The following ZFC3H1 variants were observed in gnomAD, a reference collection of about 807,000 sequenced individuals.
ZFC3H1 encodes the protein zinc finger C3H1 domain-containing protein.
ZFC3H1 carries 71 observed loss-of-function variants against 243.7 expected under a neutral mutation model. The observed-to-expected ratio is 0.29, with a 90% confidence interval of 0.24 to 0.36. The LOEUF (loss-of-function observed/expected upper bound fraction) is 0.36. Among genes scored for constraint, ZFC3H1 ranks in the 10% least tolerant of loss-of-function variants. The probability of loss-of-function intolerance (pLI) is 1.00; values close to 1 mark genes in which losing one functional copy is unlikely to be tolerated. For synonymous variants in ZFC3H1, 838 were observed against 813.0 expected (o/e 1.03, Z -0.52); for missense variants, 1,966 against 2,317.1 (o/e 0.85, Z 3.11).
Position 71,632,312 on chromosome 12 carries a change from A to T in ZFC3H1, c.3020T>A (p.Phe1007Tyr), listed in dbSNP as rs779675419. 52 of 1,613,748 alleles carry T rather than the reference A, an allele frequency of 3.2e-5. No homozygotes were observed. Among genetic ancestry groups the T allele is most frequent in the Non-Finnish European group, 3.4e-6 (4 of 1,179,884 alleles). Reference sequence around the variant, plus strand: ...ATGAAGTGAGGGTTGAGGTAAAGAAAATTCGGGTTCCTCTTCCACAACTGG... The same window carrying T: ...ATGAAGTGAGGGTTGAGGTAAAGAATATTCGGGTTCCTCTTCCACAACTGG... ...ISPVVEEEPEFSLPQPSLHDL... is the reference protein window; with the variant it reads ...ISPVVEEEPEYSLPQPSLHDL... Residue 1007 changes from phenylalanine (F) to tyrosine (Y), a missense_variant, in exon 15 of 35, where the codon TTT becomes TAT. Physicochemically the swap from Phe to Tyr is conservative, Grantham distance 22. Transcript: ENST00000378743.
intron 5 of ZFC3H1, 120 bp from the exon 6 acceptor site, chr12:71,642,679 G>A (rs1265634727): frequency 3.5e-6 from 4 of 1,153,700 alleles, no homozygotes; most frequent in Middle Eastern, 2.0e-4. Flanking sequence ...TCAGTTAGAT[G>A]TGCCTATCAC....
In ZFC3H1 at chr12:71,663,420, C is replaced by T. The variant is rs995593344; in HGVS notation, c.191G>A (p.Gly64Asp). 12 of 1,611,796 alleles carry T rather than the reference C, an allele frequency of 7.4e-6. No individual in the cohort carries two copies. The highest frequency in any genetic ancestry group is 1.0e-5 in the Non-Finnish European group (12 of 1,180,028). ...AGAGCCACCGCCTCCGCCAGATCCA[C>T]CGCCCCGGGCCGAGTGAGGAGGCCT... ...RRRPPHSARG[G>D]GSGGGGGSSS... The change falls in exon 1 of 35, where the codon GGT becomes GAT. Residue 64 changes from glycine to aspartate, a missense_variant. Transcript: ENST00000378743.
At chr12:71,633,704 T>C (rs1051037889) in intron 12 of ZFC3H1, among the ~76,000 whole-genome samples, 1 of 152,164 alleles carries the variant, frequency 6.6e-6, no homozygotes, top group Non-Finnish European at 1.5e-5. Context: ...AAACTTGTAG[T>C]AAATATTCAA....
chr12:71,620,537 T>C (rs568166561), intron 24 of ZFC3H1, among the ~76,000 whole-genome samples: 7 of 152,282 alleles, frequency 4.6e-5, no homozygotes, highest in South Asian at 2.1e-4. Context: ...TCAACTTTCC[T>C]GGTAAGAATA....
At chr12:71,622,673 G>C (rs1304668710) in intron 24 of ZFC3H1, among the ~76,000 whole-genome samples, 2 of 152,118 alleles carry the variant, frequency 1.3e-5, no homozygotes, top group African/African-American at 2.4e-5. Flanking sequence ...ATGTTGGCCA[G>C]ACTGGTCTCG....
intron 21 of ZFC3H1, 38 bp downstream of exon 21, chr12:71,627,713 T>G: frequency 6.4e-7 from 1 of 1,558,190 alleles, no homozygotes; most frequent in Non-Finnish European, 8.7e-7. Context: ...AAAATATAAA[T>G]GTGCAACTGT....
intron 22 of ZFC3H1, among the ~76,000 whole-genome samples, chr12:71,625,990 A>G (rs17110040): frequency 0.018 from 2,765 of 152,238 alleles, 72 homozygotes; most frequent in African/African-American, 0.063. Context: ...TAAGTGTGAA[A>G]TTTTTAACAA....
intron 3 of ZFC3H1, among the ~76,000 whole-genome samples, chr12:71,646,322 G>C (rs370096564): frequency 6.6e-6 from 1 of 152,056 alleles, no homozygotes; most frequent in East Asian, 1.9e-4. Flanking sequence ...CTATTACCTA[G>C]TACTGAAATT....
rs747086409 is a variant in ZFC3H1 at position 71,657,169 on chromosome 12, T to C, written c.731A>G (p.Lys244Arg). The stretch of plus-strand genomic sequence containing the variant: ...GCTACTCAATGCTAGTTTTTCATCC[T>C]TATTGATGCATTCTAGTTCCAACTG... ...QIQLELECIN[K>R]DEKLALSSKE... The change falls in exon 2 of 35, where the codon AAG (lysine) becomes AGG (arginine). Residue 244 changes from lysine (K) to arginine (R), a missense_variant. By Grantham distance (26) the Lys-to-Arg change is conservative. Around this residue, in one of 4 missense-constraint regions of ZFC3H1, gnomAD observed 484 missense variants for 449.7 expected, o/e 1.08. Transcript: ENST00000378743. 3 of 1,613,830 alleles carry C rather than the reference T, an allele frequency of 1.9e-6. No individual in the cohort carries two copies. Among genetic ancestry groups the C allele is most frequent in the East Asian group, 2.2e-5 (1 of 44,832 alleles).
At chr12:71,648,279 T>C (rs1880777080) in intron 2 of ZFC3H1, among the ~76,000 whole-genome samples, 1 of 152,202 alleles carries the variant, frequency 6.6e-6, no homozygotes, top group Non-Finnish European at 1.5e-5. Context: ...TAGAAAAGCA[T>C]CAGTAGAGGC....
At chr12:71,648,469 T>C (rs192851761) in intron 2 of ZFC3H1, among the ~76,000 whole-genome samples, 572 of 152,306 alleles carry the variant, frequency 3.8e-3, no homozygotes, top group Non-Finnish European at 6.5e-3. Context: ...TGAGATACTT[T>C]TGTAGCTAAA....
chr12:71,628,386 C>T (rs1008287685), intron 20 of ZFC3H1, among the ~76,000 whole-genome samples: 4 of 152,148 alleles, frequency 2.6e-5, no homozygotes, highest in Non-Finnish European at 5.9e-5. Context: ...TAATAGCATA[C>T]ATCTCTTGGA....
chr12:71,611,109 A>G lies in ZFC3H1; in HGVS notation c.5730-12T>C. ...CAGCAGCAATGGCTCTAAGAGAAAA[A>G]AAAAAAAAAAGAAATATAGAAAAAG... On this transcript the variant is annotated splice_polypyrimidine_tract_variant and intron_variant, in intron 32 of 34. Coordinates refer to ENST00000378743, the MANE Select transcript of ZFC3H1 (RefSeq NM_144982.5). The G allele has an allele frequency of 6.5e-7, 1 of 1,537,788 alleles. No individual in the cohort carries two copies. Among genetic ancestry groups the G allele is most frequent in the Non-Finnish European group, 8.7e-7 (1 of 1,148,754 alleles).
intron 10 of ZFC3H1, 124 bp downstream of exon 10, chr12:71,635,319 A>C: frequency 7.9e-7 from 1 of 1,273,872 alleles, no homozygotes; most frequent in Non-Finnish European, 1.1e-6. Context: ...CAAATACTTA[A>C]AATATTTCCA....
chr12:71,619,412 A>G lies in ZFC3H1; in HGVS notation c.5050-3T>C. The G allele has an allele frequency of 6.2e-7, 1 of 1,612,884 alleles. No individual in the cohort carries two copies. Among genetic ancestry groups the G allele is most frequent in the South Asian group, 1.1e-5 (1 of 90,994 alleles). On this transcript the variant is annotated splice_region_variant and splice_polypyrimidine_tract_variant and intron_variant, in intron 26 of 34. Transcript: ENST00000378743. ...GGAAGAAGATTATCGCCTCGATTCT[A>G]TTTTAAAAAGAGGGAGGGGGATATA...
intron 6 of ZFC3H1, 111 bp from the exon 7 acceptor site, chr12:71,638,626 T>G: frequency 2.4e-6 from 2 of 841,466 alleles, no homozygotes; most frequent in Non-Finnish European, 3.6e-6. Flanking sequence ...CAAATTAGAT[T>G]TTATCAACCT....
At position 71,636,498 on chromosome 12, in the gene ZFC3H1, C is replaced by T; in HGVS notation, c.2092G>A (p.Val698Met). 1.3e-6 allele frequency: 2 copies of T among 1,598,020 alleles called. No individual in the cohort carries two copies. Among genetic ancestry groups the T allele is most frequent in the Non-Finnish European group, 1.7e-6 (2 of 1,174,468 alleles). Residue 698 changes from valine to methionine, a missense_variant, in exon 9 of 35, where the codon GTG (valine) becomes ATG (methionine). By Grantham distance (21) the Val-to-Met change is conservative. Transcript: ENST00000378743. The part of the protein sequence containing the change: ...FHRGPRLPRT[V>M]ISLPKHKSVV... ...TAAATTTTTGTTTTTACCGAGATCA[C>T]AGTTCGTGGAAGACGGGGTCCTCTG... is the stretch of plus-strand genomic sequence containing the variant.
chr12:71,628,829 CTGATACACCAAAGGA>C lies in ZFC3H1; in HGVS notation c.3946+74_3946+88del, dbSNP rs1592590209. The stretch of plus-strand genomic sequence containing the variant: ...AAAAATTTTTTTTTAACCAGGCAGG[CTGATACACCAAAGGA>C]TTAGCAAAGTGTTAAATAAAGATGG... On this transcript the variant is annotated intron_variant, in intron 20 of 34. Transcript: ENST00000378743. 9.2e-6 allele frequency: 13 copies of C among 1,416,830 alleles called. No individual in the cohort carries two copies. The East Asian group carries it at 3.3e-4, about 36-fold the overall frequency. The allele number at this position is 1,416,830 out of a possible 1,614,324, so 87.8% of individuals were successfully genotyped here. A position where few individuals can be genotyped will look rare whatever the true frequency, so the allele number is the denominator to read the frequency against.
intron 34 of ZFC3H1, 39 bp from the exon 35 acceptor site, chr12:71,610,604 A>G: frequency 6.2e-7 from 1 of 1,612,548 alleles, no homozygotes; most frequent in Non-Finnish European, 8.5e-7. Flanking sequence ...AGACTTAGCT[A>G]GAGTTTGAGC....
Sources: gnomAD v4.1 joint callset for allele counts (sites outside exome capture counted in the v4.1 genomes callset) on GRCh38, gnomAD v4.1.1 for gene constraint, gnomAD v4.1.1 regional missense constraint, MANE v1.5 for transcripts, NCBI Gene and HGNC (gene_info 2026-07-23, HGNC 2026-07-21) for gene names.